Variants in SLC35F3 observed in about 807,000 individuals in gnomAD.
The protein encoded by SLC35F3 is solute carrier family 35 member F3.
A neutral mutation model predicts 49.9 loss-of-function variants in SLC35F3; 25 were observed. The ratio of observed to expected loss-of-function variants is 0.50; its 90% CI spans 0.37 to 0.70. The LOEUF is 0.70. Among genes scored for constraint, SLC35F3 ranks in the 30% least tolerant of loss-of-function variants. The pLI, the probability that SLC35F3 is intolerant of heterozygous loss-of-function variation, is 0.00. For synonymous variants in SLC35F3, 275 were observed against 265.4 expected (o/e 1.04, Z -0.35); for missense variants, 525 against 639.8 (o/e 0.82, Z 1.94).
At chr1:234,281,136 A>G (rs899015776) in intron 3 of SLC35F3, among the ~76,000 whole-genome samples, 1 of 152,116 alleles carries the variant, frequency 6.6e-6, no homozygotes, top group Non-Finnish European at 1.5e-5. Flanking sequence ...GTACTTCAGA[A>G]TGTAACTGCA....
chr1:233,992,840 G>C (rs1325204457), intron 2 of SLC35F3, among the ~76,000 whole-genome samples: 1 of 152,106 alleles, frequency 6.6e-6, no homozygotes, highest in Non-Finnish European at 1.5e-5. Flanking sequence ...GGAGTGAGAT[G>C]TGAAGCAAAG....
chr1:233,919,387 C>T (rs1362089170), intron 2 of SLC35F3, among the ~76,000 whole-genome samples: 4 of 152,188 alleles, frequency 2.6e-5, no homozygotes, highest in Admixed American at 1.3e-4. Flanking sequence ...CACTGTCCCT[C>T]AGATATGCTC....
chr1:234,138,090 T>A (rs1391537512), intron 2 of SLC35F3, among the ~76,000 whole-genome samples: 1 of 152,198 alleles, frequency 6.6e-6, no homozygotes, highest in African/African-American at 2.4e-5. Context: ...TAAGCAGGAG[T>A]AATACCATGT....
Position 234,016,967 on chromosome 1 carries a change from C to A in SLC35F3, c.283+111209C>A, listed in dbSNP as rs72753802. On this transcript the variant is annotated intron_variant, in intron 2 of 7. Transcript: ENST00000366618. ...CCTGGATTTGAATTCTTGTCCCAAA[C>A]AGTTACTGGCTCTGTTATTAACTTG... Among the ~76,000 whole-genome samples the A allele has an allele frequency of 7.4e-3, 1,128 of 152,306 alleles. 8 individuals are homozygous for A. The highest frequency in any genetic ancestry group is 0.019 in the Admixed American group (290 of 15,304).
chr1:234,283,296 T>TAGG (rs1668358883), intron 3 of SLC35F3, among the ~76,000 whole-genome samples: 1 of 152,232 alleles, frequency 6.6e-6, no homozygotes, highest in Non-Finnish European at 1.5e-5. Flanking sequence ...GTAGGATTGA[T>TAGG]TTTTTAACTA....
At chr1:234,044,762 T>G (rs1024281010) in intron 2 of SLC35F3, among the ~76,000 whole-genome samples, 2 of 152,222 alleles carry the variant, frequency 1.3e-5, no homozygotes, top group Non-Finnish European at 2.9e-5. Context: ...TTTTTTCAGT[T>G]GGGTTATTTA....
In SLC35F3 at chr1:234,231,721, G is replaced by A. The variant is rs1262583049; in HGVS notation, c.588G>A (p.Gln196=). ...ACGTCTGCAAGTCCACAGAGAAGCAGTCTGTGAAGCAGCGATACAGGTAGG... is the reference window on the plus strand; with the variant it reads ...ACGTCTGCAAGTCCACAGAGAAGCAATCTGTGAAGCAGCGATACAGGTAGG... ...VGHVCKSTEK[Q]SVKQRYRECC... The change falls in exon 3 of 8, where the codon CAG becomes CAA. Residue 196 remains glutamine (Q), a synonymous_variant. Transcript: ENST00000366618. The surrounding 1 kb of genome is among the most constrained non-coding windows in gnomAD (Gnocchi z 5.4). The A allele has an allele frequency of 1.2e-6, 2 of 1,611,892 alleles. No individual in the cohort carries two copies. The highest frequency in any genetic ancestry group is 4.5e-5 in the East Asian group (2 of 44,850).
chr1:234,226,960 TGC>T (rs1667294905), intron 2 of SLC35F3, among the ~76,000 whole-genome samples: 1 of 120,842 alleles, frequency 8.3e-6, no homozygotes, highest in South Asian at 2.2e-4. Context: ...CGCGCACGCG[TGC>T]ACACACACAC....
intron 2 of SLC35F3, among the ~76,000 whole-genome samples, chr1:233,914,155 A>G (rs1251625047): frequency 6.6e-6 from 1 of 151,734 alleles, no homozygotes; most frequent in Admixed American, 6.6e-5. Context: ...AGATTAGACC[A>G]GGGGTAGACT....
chr1:234,219,832 G>A (rs890110034), intron 2 of SLC35F3, among the ~76,000 whole-genome samples: 6 of 152,202 alleles, frequency 3.9e-5, no homozygotes, highest in African/African-American at 1.2e-4. Context: ...AAGCACGGTC[G>A]GGATGGCATG....
chr1:234,169,358 G>A (rs1025394011), intron 2 of SLC35F3, among the ~76,000 whole-genome samples: 6 of 152,220 alleles, frequency 3.9e-5, no homozygotes, highest in Admixed American at 6.5e-5. Flanking sequence ...AATGATTTCA[G>A]TGTAGGAGTC....
intron 2 of SLC35F3, among the ~76,000 whole-genome samples, chr1:234,032,845 TC>T (rs1664083857): frequency 6.6e-6 from 1 of 152,206 alleles, no homozygotes; most frequent in African/African-American, 2.4e-5. Context: ...GTGTCTTTTT[TC>T]ATATAATGAC....
intron 2 of SLC35F3, among the ~76,000 whole-genome samples, chr1:234,162,381 C>CAAAAAAA (rs147145054): frequency 1.7e-5 from 1 of 58,546 alleles, no homozygotes; most frequent in Non-Finnish European, 3.0e-5. Flanking sequence ...AGCCTCTGTG[C>CAAAAAAA]AAAAAAAAAA....
chr1:234,038,901 G>C (rs1183711045), intron 2 of SLC35F3, among the ~76,000 whole-genome samples: 1 of 152,136 alleles, frequency 6.6e-6, no homozygotes, highest in Non-Finnish European at 1.5e-5. Context: ...CTAGGTTTCT[G>C]GACTGGGAAA....
At chr1:233,950,523 TTTCC>T (rs977078956) in intron 2 of SLC35F3, among the ~76,000 whole-genome samples, 11 of 140,192 alleles carry the variant, frequency 7.8e-5, no homozygotes, top group East Asian at 2.3e-4. Context: ...TTCCTTCCTT[TTTCC>T]TTCCTTCCTT....
intron 2 of SLC35F3, among the ~76,000 whole-genome samples, chr1:234,192,508 A>G (rs1276634126): frequency 6.6e-6 from 1 of 152,180 alleles, no homozygotes; most frequent in Non-Finnish European, 1.5e-5. Flanking sequence ...GAATGGGGAA[A>G]AGTTGAAAGC....
chr1:234,272,435 T>A (rs539313676), intron 3 of SLC35F3: 35 of 152,308 alleles, frequency 2.3e-4, no homozygotes, highest in African/African-American at 6.0e-4. Flanking sequence ...TGGAGTAACA[T>A]CTTCATCTCT....
chr1:233,994,810 G>A (rs977390844), intron 2 of SLC35F3, among the ~76,000 whole-genome samples: 4 of 151,868 alleles, frequency 2.6e-5, no homozygotes, highest in Non-Finnish European at 4.4e-5. Context: ...TTGTTGAATA[G>A]GCAGTTTCTA....
At chr1:234,072,646 C>T (rs1664734517) in intron 2 of SLC35F3, among the ~76,000 whole-genome samples, 1 of 152,074 alleles carries the variant, frequency 6.6e-6, no homozygotes, top group Non-Finnish European at 1.5e-5. Context: ...GGCTGTGGAT[C>T]TCGGGAAGAA....
Sources: gnomAD v4.1 joint callset for allele counts (sites outside exome capture counted in the v4.1 genomes callset) on GRCh38, gnomAD v4.1.1 for gene constraint, Gnocchi (gnomAD v3.1) non-coding constraint, MANE v1.5 for transcripts, NCBI Gene and HGNC (gene_info 2026-07-23, HGNC 2026-07-21) for gene names.